The following PTPRM variants were observed in gnomAD, a reference collection of about 807,000 sequenced individuals.
The protein encoded by PTPRM is protein tyrosine phosphatase receptor type M, also known as receptor-type tyrosine-protein phosphatase mu.
In PTPRM, 47 loss-of-function variants were observed where a neutral mutation model predicts 186.7. The observed-to-expected ratio is 0.25, with a 90% CI of 0.20 to 0.32. The LOEUF is 0.32. Among genes scored for constraint, PTPRM ranks in the 10% least tolerant of loss-of-function variants. The pLI, the probability that PTPRM is intolerant of heterozygous loss-of-function variation, is 1.00. For missense variants in PTPRM, 1,494 were observed against 1,865.0 expected (o/e 0.80, Z 3.66); for synonymous variants, 668 against 674.9 (o/e 0.99, Z 0.16).
intron 7 of PTPRM, among the ~76,000 whole-genome samples, chr18:8,017,215 T>C (rs2084925173): frequency 6.6e-6 from 1 of 152,056 alleles, no homozygotes; most frequent in South Asian, 2.1e-4. Context: ...CACATGCACA[T>C]ATAGGTATGA....
intron 14 of PTPRM, among the ~76,000 whole-genome samples, chr18:8,231,474 A>T (rs1412057948): frequency 6.6e-6 from 1 of 152,164 alleles, no homozygotes; most frequent in African/African-American, 2.4e-5. Flanking sequence ...CTCCCATAGG[A>T]CACATTACTG....
intron 7 of PTPRM, among the ~76,000 whole-genome samples, chr18:7,998,813 C>T (rs993030379): frequency 3.3e-5 from 5 of 152,042 alleles, no homozygotes; most frequent in Non-Finnish European, 7.4e-5. Flanking sequence ...TGCCACCACG[C>T]CTGGCTAATT....
At chr18:8,220,482 A>G (rs2094141890) in intron 14 of PTPRM, among the ~76,000 whole-genome samples, 2 of 152,206 alleles carry the variant, frequency 1.3e-5, no homozygotes, top group East Asian at 3.8e-4. Context: ...TGAGAAATGT[A>G]TGCCTCCACC....
At chr18:8,327,292 C>G (rs887765854) in intron 22 of PTPRM, among the ~76,000 whole-genome samples, 1 of 152,182 alleles carries the variant, frequency 6.6e-6, no homozygotes, top group African/African-American at 2.4e-5. Flanking sequence ...ACCACAGAAA[C>G]TGATATGGAG....
intron 7 of PTPRM, among the ~76,000 whole-genome samples, chr18:8,025,144 A>G (rs539807285): frequency 6.6e-6 from 1 of 152,050 alleles, no homozygotes; most frequent in Non-Finnish European, 1.5e-5. Flanking sequence ...CAAAATGTGC[A>G]TTTTTTTAGA....
chr18:7,892,397 A>G (rs1239939196), intron 3 of PTPRM, among the ~76,000 whole-genome samples: 1 of 152,208 alleles, frequency 6.6e-6, no homozygotes, highest in African/African-American at 2.4e-5. Context: ...CTGTTAAACT[A>G]CATTGAGAGT....
At chr18:7,906,431 T>C in intron 3 of PTPRM, 74 bp from the exon 4 acceptor site, 1 of 1,119,148 alleles carries the variant, frequency 8.9e-7, no homozygotes, top group Non-Finnish European at 1.4e-6. Flanking sequence ...AAATTATGTG[T>C]CTTATATATA....
At chr18:7,898,474 G>T (rs959281136) in intron 3 of PTPRM, among the ~76,000 whole-genome samples, 1 of 152,182 alleles carries the variant, frequency 6.6e-6, no homozygotes, top group South Asian at 2.1e-4. Flanking sequence ...AACTGCTTCT[G>T]CATTTCTCCT....
At chr18:7,972,787 G>C (rs1284901731) in intron 7 of PTPRM, among the ~76,000 whole-genome samples, 1 of 152,020 alleles carries the variant, frequency 6.6e-6, no homozygotes, top group African/African-American at 2.4e-5. Flanking sequence ...TGATGAAGAA[G>C]GTAACAGATT....
chr18:7,608,338 A>G (rs996144459), intron 1 of PTPRM, among the ~76,000 whole-genome samples: 3 of 152,212 alleles, frequency 2.0e-5, no homozygotes, highest in Non-Finnish European at 4.4e-5. Flanking sequence ...TGTCCAGAAC[A>G]AAGACGGTTT....
At chr18:8,299,571 C>T (rs2095133381) in intron 20 of PTPRM, among the ~76,000 whole-genome samples, 1 of 147,912 alleles carries the variant, frequency 6.8e-6, no homozygotes, top group Admixed American at 6.8e-5. Context: ...GGCAACAGAG[C>T]AAGACTCCAG....
chr18:7,655,149 T>C (rs568418731), intron 1 of PTPRM, among the ~76,000 whole-genome samples: 2 of 152,292 alleles, frequency 1.3e-5, no homozygotes, highest in African/African-American at 4.8e-5. Context: ...AGTTCTTGAA[T>C]AGGTCCTTTA....
rs184487098 is a variant in PTPRM at position 7,813,115 on chromosome 18, C to T, written c.196+38844C>T. ...TTTCCTTTCTAGAGGGTCTCTTTCT[C>T]TTGTTCTGTAAGAGACAAACATATG... On this transcript the variant is annotated intron_variant, in intron 2 of 32. Transcript: ENST00000580170. Among the ~76,000 whole-genome samples the T allele has an allele frequency of 2.0e-5, 3 of 152,346 alleles. No homozygotes were observed. In the East Asian group the frequency reaches 5.8e-4, roughly 29 times the overall value.
chr18:8,375,953 TG>T, intron 24 of PTPRM, 92 bp from the exon 25 acceptor site: 1 of 1,356,976 alleles, frequency 7.4e-7, no homozygotes, highest in Non-Finnish European at 1.0e-6. Flanking sequence ...ACTTGCTACC[TG>T]GGGACTGTTT....
chr18:7,874,408 A>G (rs866193208), intron 2 of PTPRM, among the ~76,000 whole-genome samples: 1 of 152,172 alleles, frequency 6.6e-6, no homozygotes, highest in Non-Finnish European at 1.5e-5. Flanking sequence ...TCTTGTTTTT[A>G]TATTCTGAGA....
rs765349227 is a variant in PTPRM at position 8,085,687 on chromosome 18, T to A, written c.1568T>A (p.Val523Asp). ...ITLYEITYKAVSSFDPEIDLS... is the reference protein window; with the variant it reads ...ITLYEITYKADSSFDPEIDLS... ...CTTTTGCAGATCACCTACAAAGCAG[T>A]CAGTTCCTTTGACCCAGAAATAGAT... The change falls in exon 10 of 33, where the codon GTC (valine) becomes GAC (aspartate). Residue 523 changes from valine (V) to aspartate (D), a missense_variant. Transcript: ENST00000580170. The A allele has an allele frequency of 1.2e-6, 2 of 1,604,998 alleles. No individual in the cohort carries two copies. The highest frequency in any genetic ancestry group is 2.7e-5 in the African/African-American group (2 of 74,686).
At chr18:8,130,389 G>A (rs893761848) in intron 13 of PTPRM, among the ~76,000 whole-genome samples, 2 of 152,186 alleles carry the variant, frequency 1.3e-5, no homozygotes, top group Non-Finnish European at 2.9e-5. Context: ...CAAGCATGGT[G>A]CATCTTCTGG....
chr18:7,775,892 C>T (rs1278404285), intron 2 of PTPRM, among the ~76,000 whole-genome samples: 3 of 152,186 alleles, frequency 2.0e-5, no homozygotes, highest in Non-Finnish European at 4.4e-5. Flanking sequence ...TTTCTTGTCA[C>T]CATCTTGTCC....
chr18:8,113,342 A>G, intron 11 of PTPRM, 144 bp from the exon 12 acceptor site: 1 of 681,522 alleles, frequency 1.5e-6, no homozygotes, highest in Non-Finnish European at 2.5e-6. Flanking sequence ...GCTGCATGAG[A>G]GTCTGTTATA....
Sources: allele counts gnomAD v4.1 joint callset (sites outside exome capture counted in the v4.1 genomes callset), GRCh38; gene constraint gnomAD v4.1.1; transcripts MANE v1.5; gene names NCBI Gene and HGNC (gene_info 2026-07-23, HGNC 2026-07-21).